PTK7: variants seen among roughly 807,000 people sequenced by gnomAD.
PTK7 encodes the protein inactive tyrosine-protein kinase 7.
In PTK7, 39 loss-of-function variants were observed where a neutral mutation model predicts 116.6. That is an observed-to-expected ratio of 0.33 (90% CI 0.26 to 0.44). PTK7 has a LOEUF of 0.44. Among genes scored for constraint, PTK7 ranks in the 20% least tolerant of loss-of-function variants. The pLI, the probability that PTK7 is intolerant of heterozygous loss-of-function variation, is 1.00. For missense variants in PTK7, 1,169 were observed against 1,425.6 expected, an observed-to-expected ratio of 0.82 and a Z score of 2.90; for synonymous variants, 546 against 563.6, an observed-to-expected ratio of 0.97 and a Z score of 0.44.
chr6:43,139,376 C>T lies in PTK7; in HGVS notation c.1499-30C>T, dbSNP rs1039700470. 1.2e-5 allele frequency: 20 copies of T among 1,613,954 alleles called. No individual in the cohort carries two copies. Among genetic ancestry groups the T allele is most frequent in the African/African-American group, 2.7e-5 (2 of 74,922 alleles). On this transcript the variant is annotated intron_variant, in intron 9 of 19. Transcript: ENST00000230419. This position sits in a 1 kb window ranked among gnomAD's most constrained non-coding sequence, Gnocchi z 4.6. ...GGCCTCTCCAGCGGCCCCAATTCCT[C>T]GTCTTTCTACCCACCCTCTGCTGAA...
At chr6:43,092,331 G>A (rs1310345413) in intron 1 of PTK7, among the ~76,000 whole-genome samples, 2 of 151,516 alleles carry the variant, frequency 1.3e-5, no homozygotes, top group African/African-American at 4.9e-5. Context: ...GTGCCATCAC[G>A]CCCAGCTAAA....
chr6:43,076,363 C>T lies in PTK7; in HGVS notation c.-126C>T, dbSNP rs1366413747. 1.7e-6 allele frequency: 1 copy of T among 587,864 alleles called. No individual in the cohort carries two copies. The highest frequency in any genetic ancestry group is 2.4e-6 in the Non-Finnish European group (1 of 418,306). The allele number at this position is 587,864 out of a possible 1,614,324, so 36.4% of individuals were successfully genotyped here. A position where few individuals can be genotyped will look rare whatever the true frequency, so the allele number is the denominator to read the frequency against. ...GGGACGCCTCGGGACGCCTCGGGGT[C>T]GGGCTCCGGCTGCGGCTGCTGCTGC... On this transcript the variant is annotated 5_prime_UTR_variant, in exon 1 of 20. Coordinates refer to ENST00000230419, the MANE Select transcript of PTK7 (RefSeq NM_002821.5). The surrounding 1 kb of genome is among the most constrained non-coding windows in gnomAD (Gnocchi z 5.7).
Position 43,139,055 on chromosome 6 carries a change from A to G in PTK7, c.1362+73A>G. The G allele has an allele frequency of 1.2e-6, 2 of 1,609,482 alleles. No individual in the cohort carries two copies. Among genetic ancestry groups the G allele is most frequent in the Middle Eastern group, 1.7e-4 (1 of 6,054 alleles). On this transcript the variant is annotated intron_variant, in intron 8 of 19. Coordinates refer to ENST00000230419, the MANE Select transcript of PTK7 (RefSeq NM_002821.5). The surrounding 1 kb of genome is among the most constrained non-coding windows in gnomAD (Gnocchi z 4.6). ...CTTGCCCTCTTCTGTGCTCACCTCCATAGCACTCTTACCCTGGAGGCAGCC... is the reference window on the plus strand; with the variant it reads ...CTTGCCCTCTTCTGTGCTCACCTCCGTAGCACTCTTACCCTGGAGGCAGCC...
chr6:43,127,374 G>A (rs1163430649), intron 1 of PTK7, among the ~76,000 whole-genome samples: 4 of 152,182 alleles, frequency 2.6e-5, no homozygotes, highest in South Asian at 2.1e-4. Context: ...TGCTCCTGCC[G>A]CCGCCGTAAC....
rs1267470794 is a variant in PTK7 at position 43,160,902 on chromosome 6, G to A, written c.*21G>A. The A allele has an allele frequency of 1.2e-6, 2 of 1,611,658 alleles. No homozygotes were observed. Among genetic ancestry groups the A allele is most frequent in the East Asian group, 4.5e-5 (2 of 44,834 alleles). On this transcript the variant is annotated 3_prime_UTR_variant, in exon 20 of 20. Coordinates refer to ENST00000230419, the MANE Select transcript of PTK7 (RefSeq NM_002821.5). ...CGTGAGGAGGGAGCCCGCTCAGGAT[G>A]GCCTGGGCAGGGGAGGACATCTCTA... is the stretch of plus-strand genomic sequence containing the variant.
At chr6:43,111,699 G>A (rs1299781194) in intron 1 of PTK7, among the ~76,000 whole-genome samples, 1 of 152,074 alleles carries the variant, frequency 6.6e-6, no homozygotes, top group African/African-American at 2.4e-5. Flanking sequence ...GTCTCACTCT[G>A]TCACACAGGC....
chr6:43,106,469 A>G lies in PTK7; in HGVS notation c.80-22508A>G, dbSNP rs541444528. ...ACTACAGGCTTGCACCACCATGCCT[A>G]GATAATGGGGTCTTACTGTGTTGCC... On this transcript the variant is annotated intron_variant, in intron 1 of 19. Coordinates refer to ENST00000230419, the MANE Select transcript of PTK7 (RefSeq NM_002821.5). 3.3e-5 allele frequency among the ~76,000 whole-genome samples: 5 copies of G among 151,586 alleles called. No homozygotes were observed. The South Asian group carries it at 1.0e-3, about 32-fold the overall frequency.
At chr6:43,103,544 G>A (rs1767698091) in intron 1 of PTK7, among the ~76,000 whole-genome samples, 1 of 152,116 alleles carries the variant, frequency 6.6e-6, no homozygotes, top group Non-Finnish European at 1.5e-5. Context: ...AGTGAAAGGA[G>A]GAAGGATCGG....
rs180812589 is a variant in PTK7, at chr6:43,134,304, G to A, written c.1228+1617G>A. 5.6e-3 allele frequency among the ~76,000 whole-genome samples: 852 copies of A among 152,168 alleles called. 5 individuals carry two copies. The highest frequency in any genetic ancestry group is 0.02 in the African/African-American group (815 of 41,548). On this transcript the variant is annotated intron_variant, in intron 7 of 19. Coordinates refer to ENST00000230419, the MANE Select transcript of PTK7 (RefSeq NM_002821.5). ...TCCACCTGCCTCGGCCTCCTAAAGT[G>A]CTGGGATTATGGGTGTGAGCTGCCA...
intron 1 of PTK7, among the ~76,000 whole-genome samples, chr6:43,122,992 G>A (rs1769053834): frequency 6.6e-6 from 1 of 152,134 alleles, no homozygotes; most frequent in Non-Finnish European, 1.5e-5. Flanking sequence ...GGGAGATCCT[G>A]CAATTATTCA....
At chr6:43,097,961 C>G (rs1767350352) in intron 1 of PTK7, among the ~76,000 whole-genome samples, 1 of 152,126 alleles carries the variant, frequency 6.6e-6, no homozygotes, top group East Asian at 1.9e-4. Flanking sequence ...CCTCAGCTGC[C>G]CAGTGGTAGC....
At chr6:43,096,101 G>A (rs2150384016) in intron 1 of PTK7, among the ~76,000 whole-genome samples, 1 of 152,262 alleles carries the variant, frequency 6.6e-6, no homozygotes, top group East Asian at 1.9e-4. Context: ...TGGGTCTCCC[G>A]CCAGCGGCTG....
intron 1 of PTK7, among the ~76,000 whole-genome samples, chr6:43,078,107 A>G (rs2150364576): frequency 6.6e-6 from 1 of 152,334 alleles, no homozygotes; most frequent in East Asian, 1.9e-4. Flanking sequence ...GGCTGCCTTC[A>G]CTGCTGCTGT....
Position 43,141,631 on chromosome 6 carries a change from T to C in PTK7, c.1619-37T>C. On this transcript the variant is annotated intron_variant, in intron 10 of 19. Coordinates refer to ENST00000230419, the MANE Select transcript of PTK7 (RefSeq NM_002821.5). This position sits in a 1 kb window ranked among gnomAD's most constrained non-coding sequence, Gnocchi z 4.9. ...GCATTGCCAGCTGTCTGTGTAACCC[T>C]GATCCTTCCCATAATTTCCCTTTGT... The C allele has an allele frequency of 1.2e-6, 2 of 1,606,496 alleles. No individual in the cohort carries two copies. Among genetic ancestry groups the C allele is most frequent in the Non-Finnish European group, 8.5e-7 (1 of 1,174,934 alleles).
chr6:43,116,650 GTGC>G, intron 1 of PTK7, among the ~76,000 whole-genome samples: 1 of 77,638 alleles, frequency 1.3e-5, no homozygotes, highest in Non-Finnish European at 2.7e-5. Context: ...GTGTGTGTGT[GTGC>G]GCGCGCACGC....
intron 1 of PTK7, among the ~76,000 whole-genome samples, chr6:43,105,450 C>CAAAAAAA (rs34623759): frequency 4.3e-5 from 4 of 93,418 alleles, no homozygotes; most frequent in Non-Finnish European, 4.2e-5. Context: ...AACTGTATAG[C>CAAAAAAA]AAAAAAAAAA....
chr6:43,135,775 G>T (rs1377524584), intron 7 of PTK7, among the ~76,000 whole-genome samples: 1 of 152,230 alleles, frequency 6.6e-6, no homozygotes, highest in Non-Finnish European at 1.5e-5. Context: ...GTTATCCATT[G>T]CTACATAGCA....
chr6:43,113,420 G>A (rs915335428), intron 1 of PTK7, among the ~76,000 whole-genome samples: 8 of 151,924 alleles, frequency 5.3e-5, no homozygotes, highest in African/African-American at 1.9e-4. Context: ...GTGACAGAGC[G>A]GTACTCCATC....
At position 43,142,347 on chromosome 6, in the gene PTK7, C is replaced by T. The variant is rs762490298; in HGVS notation, c.2047+48C>T. 20 of 1,612,646 alleles carry T rather than the reference C, an allele frequency of 1.2e-5. No homozygotes were observed. The African/African-American group carries it at 1.6e-4, about 13-fold the overall frequency. On this transcript the variant is annotated intron_variant, in intron 13 of 19. Transcript: ENST00000230419. ...CTGCACAGGAAGTGGTGGGCCCAGA[C>T]GTTTGTCACCTTGTACTCAGCCCCT...
Sources: gnomAD v4.1 joint callset for allele counts (sites outside exome capture counted in the v4.1 genomes callset) on GRCh38, gnomAD v4.1.1 for gene constraint, Gnocchi (gnomAD v3.1) non-coding constraint, MANE v1.5 for transcripts, NCBI Gene and HGNC (gene_info 2026-07-23, HGNC 2026-07-21) for gene names.